Variants in RANBP2 observed in about 807,000 individuals in gnomAD.
The protein encoded by RANBP2 is RAN binding protein 2, also known as E3 SUMO-protein ligase RanBP2.
A neutral mutation model predicts 303.6 loss-of-function variants in RANBP2; 57 were observed. The ratio of observed to expected loss-of-function variants is 0.19; its 90% CI spans 0.15 to 0.23. The LOEUF (loss-of-function observed/expected upper bound fraction) is 0.23. Among genes scored for constraint, RANBP2 ranks in the 10% least tolerant of loss-of-function variants. RANBP2 has a pLI of 1.00. For missense variants in RANBP2, 3,138 were observed against 3,780.8 expected, an observed-to-expected ratio of 0.83 and a Z score of 4.46; for synonymous variants, 1,167 against 1,301.5, an observed-to-expected ratio of 0.90 and a Z score of 2.23.
chr2:109,046,115 T>C, the RANBP2 span, among the ~76,000 whole-genome samples: 1 of 151,612 alleles, frequency 6.6e-6, no homozygotes, highest in African/African-American at 2.4e-5. Flanking sequence ...CCATCCTGGC[T>C]AACAGGGTGA....
the RANBP2 span, among the ~76,000 whole-genome samples, chr2:109,091,077 G>A: frequency 6.6e-6 from 1 of 151,990 alleles, no homozygotes; most frequent in African/African-American, 2.4e-5. Flanking sequence ...AAATAAAAAA[G>A]TAAAATAGTC....
chr2:109,125,911 C>A, the RANBP2 span, among the ~76,000 whole-genome samples: 1 of 152,186 alleles, frequency 6.6e-6, no homozygotes, highest in Non-Finnish European at 1.5e-5. Flanking sequence ...GGTCTGTAGG[C>A]CAATTTGACC....
At chr2:108,919,839 C>T in the RANBP2 span, among the ~76,000 whole-genome samples, 2 of 152,194 alleles carry the variant, frequency 1.3e-5, no homozygotes, top group South Asian at 2.1e-4. Flanking sequence ...CCCAGTGGCT[C>T]CCGGCACCCT....
At chr2:109,046,032 T>C in the RANBP2 span, among the ~76,000 whole-genome samples, 6 of 152,220 alleles carry the variant, frequency 3.9e-5, no homozygotes, top group Middle Eastern at 0.014. Flanking sequence ...AGGCCGGGCA[T>C]GGTGTCTCAC....
the RANBP2 span, among the ~76,000 whole-genome samples, chr2:109,137,022 G>A: frequency 6.6e-6 from 1 of 152,298 alleles, no homozygotes; most frequent in South Asian, 2.1e-4. Flanking sequence ...ACACTACAGT[G>A]GACACTGGGG....
chr2:109,404,612 G>A, the RANBP2 span, among the ~76,000 whole-genome samples: 26 of 152,250 alleles, frequency 1.7e-4, no homozygotes, highest in African/African-American at 6.0e-4. Flanking sequence ...GGCACACAGG[G>A]CCTGGGCAGG....
At chr2:109,365,063 C>G in the RANBP2 span, among the ~76,000 whole-genome samples, 1 of 152,014 alleles carries the variant, frequency 6.6e-6, no homozygotes, top group African/African-American at 2.4e-5. Flanking sequence ...AACAAACAAA[C>G]AAACAAACAA....
chr2:109,669,870 C>T, the RANBP2 span, among the ~76,000 whole-genome samples: 1 of 151,112 alleles, frequency 6.6e-6, no homozygotes, highest in African/African-American at 2.4e-5. Flanking sequence ...TCGCCCCACC[C>T]CCCGTGCCCT....
chr2:109,616,001 G>A, the RANBP2 span: 40 of 1,538,582 alleles, frequency 2.6e-5, no homozygotes, highest in Non-Finnish European at 3.2e-5. Flanking sequence ...AGGGAGTGGG[G>A]GAGGAACGAC....
the RANBP2 span, among the ~76,000 whole-genome samples, chr2:109,390,215 A>T: frequency 6.6e-6 from 1 of 152,158 alleles, no homozygotes; most frequent in Admixed American, 6.5e-5. Flanking sequence ...AGAATAAGTG[A>T]TGCCCTTCAC....
the RANBP2 span, among the ~76,000 whole-genome samples, chr2:109,712,541 C>T: frequency 6.6e-6 from 1 of 152,312 alleles, no homozygotes; most frequent in East Asian, 1.9e-4. Context: ...AAGCGATTCT[C>T]CTGCCTCCGC....
chr2:109,028,581 A>G, the RANBP2 span, among the ~76,000 whole-genome samples: 1 of 152,138 alleles, frequency 6.6e-6, no homozygotes, highest in Non-Finnish European at 1.5e-5. Context: ...TGCTGTTTCA[A>G]TCTCCTCTGC....
the RANBP2 span, chr2:109,665,595 C>G: frequency 1.3e-5 from 2 of 152,322 alleles, no homozygotes. Context: ...CCCGCCTCAG[C>G]TTTCCAAAGT....
the RANBP2 span, among the ~76,000 whole-genome samples, chr2:109,536,005 T>C: frequency 8.1e-6 from 1 of 124,110 alleles, no homozygotes; most frequent in African/African-American, 3.2e-5. Flanking sequence ...TTCAGATGTA[T>C]GGAAATACTT....
chr2:108,907,992 C>T, the RANBP2 span: 1 of 1,610,800 alleles, frequency 6.2e-7, no homozygotes, highest in Non-Finnish European at 8.5e-7. Context: ...TCAGCAGCTG[C>T]TCATTCTCGG....
the RANBP2 span, among the ~76,000 whole-genome samples, chr2:109,751,445 T>C: frequency 6.7e-6 from 1 of 148,306 alleles, no homozygotes. Flanking sequence ...CATGTAAGGT[T>C]ATCTAATTAG....
the RANBP2 span, among the ~76,000 whole-genome samples, chr2:109,361,781 T>C: frequency 6.6e-6 from 1 of 152,226 alleles, no homozygotes; most frequent in Admixed American, 6.5e-5. Context: ...TATTGAATTA[T>C]ATATTTCTTC....
chr2:108,853,872 C>T, the RANBP2 span, among the ~76,000 whole-genome samples: 2 of 113,700 alleles, frequency 1.8e-5, no homozygotes, highest in East Asian at 2.2e-4. Context: ...AATATATATA[C>T]TATATAATAT....
chr2:109,658,404 C>T, the RANBP2 span, among the ~76,000 whole-genome samples: 1 of 151,848 alleles, frequency 6.6e-6, no homozygotes, highest in Non-Finnish European at 1.5e-5. Context: ...CAAGATCATG[C>T]CACGGCACTC....
Sources: gnomAD v4.1 joint callset for allele counts (sites outside exome capture counted in the v4.1 genomes callset) on GRCh38, gnomAD v4.1.1 for gene constraint, MANE v1.5 for transcripts, NCBI Gene and HGNC (gene_info 2026-07-23, HGNC 2026-07-21) for gene names.